Variants in SHISA9 observed in about 807,000 individuals in gnomAD.
SHISA9 encodes shisa family member 9, also known as protein shisa-9.
A neutral mutation model predicts 38.0 loss-of-function variants in SHISA9; 13 were observed. The ratio of observed to expected loss-of-function variants is 0.34; its 90% CI spans 0.22 to 0.54. SHISA9 has a LOEUF of 0.54. Ranked by LOEUF, SHISA9 falls within the 20% of genes least tolerant of loss-of-function variation. The probability of loss-of-function intolerance (pLI) is 0.91; values close to 1 mark genes in which losing one functional copy is unlikely to be tolerated. For synonymous variants in SHISA9, 275 were observed against 242.0 expected (o/e 1.14, Z -1.27); for missense variants, 538 against 575.8 (o/e 0.93, Z 0.67).
chr16:13,521,871 G>A, the SHISA9 span, among the ~76,000 whole-genome samples: 4 of 152,172 alleles, frequency 2.6e-5, no homozygotes, highest in Admixed American at 6.5e-5. Context: ...TGAAATGGAA[G>A]TCACCATCCA....
At chr16:13,328,125 C>T in the SHISA9 span, among the ~76,000 whole-genome samples, 4 of 152,212 alleles carry the variant, frequency 2.6e-5, no homozygotes, top group African/African-American at 9.7e-5. Flanking sequence ...CATTCCCCCT[C>T]CTCTTAATTT....
the SHISA9 span, among the ~76,000 whole-genome samples, chr16:13,247,740 A>G: frequency 6.6e-6 from 1 of 152,226 alleles, no homozygotes; most frequent in Non-Finnish European, 1.5e-5. Flanking sequence ...TGGTTGCTAG[A>G]AATAATTTTG....
the SHISA9 span, among the ~76,000 whole-genome samples, chr16:13,358,792 T>A: frequency 6.6e-6 from 1 of 152,174 alleles, no homozygotes; most frequent in Non-Finnish European, 1.5e-5. Flanking sequence ...ATAACCTTTC[T>A]CTTGGCTGTT....
the SHISA9 span, among the ~76,000 whole-genome samples, chr16:13,464,763 A>G: frequency 6.6e-6 from 1 of 152,188 alleles, no homozygotes; most frequent in East Asian, 1.9e-4. Context: ...TGAGGAATTC[A>G]CATAGTTAGT....
At chr16:12,947,207 T>A (rs2071699898) in intron 2 of SHISA9, among the ~76,000 whole-genome samples, 1 of 152,132 alleles carries the variant, frequency 6.6e-6, no homozygotes, top group African/African-American at 2.4e-5. Flanking sequence ...TTAATGCAGG[T>A]ACAGGAGAAG....
At chr16:12,908,628 C>A in intron 1 of SHISA9, 1 of 1,550,710 alleles carries the variant, frequency 6.4e-7, no homozygotes, top group Non-Finnish European at 8.7e-7. Flanking sequence ...TGAGTGCAAA[C>A]CTGCAGGAAT....
the SHISA9 span, among the ~76,000 whole-genome samples, chr16:13,254,793 A>G: frequency 2.6e-5 from 4 of 152,210 alleles, no homozygotes; most frequent in African/African-American, 9.7e-5. Context: ...CTGGACTTCA[A>G]CAAATGAAGA....
At chr16:12,911,448 C>A in intron 1 of SHISA9, 1 of 906,986 alleles carries the variant, frequency 1.1e-6, no homozygotes, top group Non-Finnish European at 1.3e-6. Context: ...TATGCATGAA[C>A]CCACGAACAA....
chr16:13,203,462 T>C lies in SHISA9; in HGVS notation c.760T>C (p.Tyr254His). ...CCAGCAGATGGGCCATCCACATTCG[T>C]ACCCGAACCTGGGCCAGATCTCCAA... is the stretch of plus-strand genomic sequence containing the variant. Reference protein sequence around the residue: ...LLQQMGHPHSYPNLGQISNPY... With the variant: ...LLQQMGHPHSHPNLGQISNPY... The change falls in exon 3 of 5, where the codon TAC becomes CAC. Residue 254 changes from tyrosine to histidine, a missense_variant. By Grantham distance (83) the Tyr-to-His change is moderately conservative. Transcript: ENST00000558583. 10 of 1,551,336 alleles carry C rather than the reference T, an allele frequency of 6.4e-6. No individual in the cohort carries two copies. The highest frequency in any genetic ancestry group is 8.7e-6 in the Non-Finnish European group (10 of 1,146,704).
the SHISA9 span, among the ~76,000 whole-genome samples, chr16:13,314,821 A>C: frequency 6.6e-6 from 1 of 152,180 alleles, no homozygotes. Context: ...AGCAGGGCCT[A>C]GAGGGAAAGG....
intron 2 of SHISA9, among the ~76,000 whole-genome samples, chr16:13,198,986 C>A (rs539590542): frequency 6.6e-6 from 1 of 152,260 alleles, no homozygotes; most frequent in African/African-American, 2.4e-5. Flanking sequence ...AATCTAAAAG[C>A]AAATACTTTA....
At chr16:13,295,515 A>G in the SHISA9 span, among the ~76,000 whole-genome samples, 1 of 152,170 alleles carries the variant, frequency 6.6e-6, no homozygotes, top group East Asian at 1.9e-4. Context: ...GCACTGCCTG[A>G]CATTGGCCCG....
At chr16:13,219,049 G>A (rs558313641) in intron 4 of SHISA9, among the ~76,000 whole-genome samples, 58 of 152,266 alleles carry the variant, frequency 3.8e-4, no homozygotes, top group Non-Finnish European at 4.7e-4. Flanking sequence ...AATCCTACTC[G>A]CTCCTGAGTT....
At chr16:13,312,882 C>T in the SHISA9 span, among the ~76,000 whole-genome samples, 2 of 151,990 alleles carry the variant, frequency 1.3e-5, no homozygotes, top group East Asian at 1.9e-4. Flanking sequence ...GCAAAACCAA[C>T]TAAAAGAAAA....
rs561956275 is a variant in SHISA9 at position 13,087,577 on chromosome 16, T to A, written c.692-115817T>A. Among the ~76,000 whole-genome samples the A allele has an allele frequency of 3.2e-3, 494 of 152,362 alleles. 1 individual carries two copies. The highest frequency in any genetic ancestry group is 5.2e-3 in the Non-Finnish European group (356 of 68,042). On this transcript the variant is annotated intron_variant, in intron 2 of 4. Transcript: ENST00000558583. ...TGATTTGCATTTCTCTGATGATCAG[T>A]GATGATGAGCATTTTTTCATGTGTC...
the SHISA9 span, among the ~76,000 whole-genome samples, chr16:13,477,149 C>A: frequency 6.6e-6 from 1 of 152,152 alleles, no homozygotes; most frequent in East Asian, 1.9e-4. Context: ...CTGGACTTGT[C>A]GCTGGAGAAA....
At chr16:13,085,626 G>T (rs1366929559) in intron 2 of SHISA9, among the ~76,000 whole-genome samples, 1 of 152,174 alleles carries the variant, frequency 6.6e-6, no homozygotes, top group African/African-American at 2.4e-5. Flanking sequence ...AAAGTAAAAG[G>T]TCAAGTCTAC....
At chr16:13,292,917 G>T in the SHISA9 span, among the ~76,000 whole-genome samples, 2 of 152,148 alleles carry the variant, frequency 1.3e-5, no homozygotes, top group African/African-American at 4.8e-5. Flanking sequence ...GCTTGCTTTA[G>T]CAGAAAAACC....
chr16:12,924,526 T>C (rs12922779), intron 2 of SHISA9, among the ~76,000 whole-genome samples: 39,336 of 152,126 alleles, frequency 0.26, 5,752 homozygotes, highest in Middle Eastern at 0.35. Flanking sequence ...TTCTTTTTCA[T>C]AGTTGGGCAG....
Sources: gnomAD v4.1 joint callset for allele counts (sites outside exome capture counted in the v4.1 genomes callset) on GRCh38, gnomAD v4.1.1 for gene constraint, MANE v1.5 for transcripts, NCBI Gene and HGNC (gene_info 2026-07-23, HGNC 2026-07-21) for gene names.